The following EXT1 variants were observed in gnomAD, a reference collection of about 807,000 sequenced individuals.
The protein encoded by EXT1 is exostosin glycosyltransferase 1, also known as exostosin-1.
EXT1 carries 20 observed loss-of-function variants against 82.5 expected under a neutral mutation model. The ratio of observed to expected loss-of-function variants is 0.24; its 90% confidence interval spans 0.17 to 0.35. The LOEUF (loss-of-function observed/expected upper bound fraction) is 0.35, where lower values mean the gene tolerates loss of function less well. EXT1 is among the 10% of genes least tolerant of loss of function. The pLI is 1.00. For missense variants in EXT1, 757 were observed against 936.5 expected, an observed-to-expected ratio of 0.81 and a Z score of 2.50; for synonymous variants, 348 against 350.8, an observed-to-expected ratio of 0.99 and a Z score of 0.09.
At chr8:117,909,902 G>T (rs1452750968) in intron 1 of EXT1, among the ~76,000 whole-genome samples, 1 of 152,104 alleles carries the variant, frequency 6.6e-6, no homozygotes, top group Non-Finnish European at 1.5e-5. Context: ...CAAGTAGCTG[G>T]GATTACTGTT....
chr8:118,038,668 G>A (rs960135849), intron 1 of EXT1, among the ~76,000 whole-genome samples: 4 of 152,132 alleles, frequency 2.6e-5, no homozygotes, highest in Admixed American at 1.3e-4. Flanking sequence ...TAACAACTCC[G>A]AAGGGCAGAC....
chr8:117,830,175 G>A (rs1413586935), intron 4 of EXT1, 55 bp downstream of exon 4: 6 of 1,611,100 alleles, frequency 3.7e-6, no homozygotes, highest in African/African-American at 2.7e-5. Flanking sequence ...AGAAGGCTGA[G>A]AGAAGTGTAT....
At chr8:117,812,004 G>A (rs1021002944) in intron 8 of EXT1, among the ~76,000 whole-genome samples, 3 of 152,172 alleles carry the variant, frequency 2.0e-5, no homozygotes, top group African/African-American at 7.2e-5. Context: ...AACTAGATTG[G>A]TGTCCAGGAA....
At chr8:117,927,077 T>C (rs1024692059) in intron 1 of EXT1, among the ~76,000 whole-genome samples, 2 of 152,184 alleles carry the variant, frequency 1.3e-5, no homozygotes, top group Non-Finnish European at 2.9e-5. Context: ...AACTGTCCCC[T>C]ACATAAGAAA....
chr8:118,048,881 T>C (rs997227188), intron 1 of EXT1, among the ~76,000 whole-genome samples: 1 of 152,204 alleles, frequency 6.6e-6, no homozygotes, highest in Admixed American at 6.5e-5. Context: ...ATGAATATTA[T>C]CTATCCAATG....
chr8:117,795,510 A>C lies in EXT1; in HGVS notation c.*4202T>G, dbSNP rs375286731. ...TTTTTTTTTTTTAAAGAAAAAAAAA[A>C]GGGGGGCCAGGCGCAGTGGCTTACA... is the stretch of plus-strand genomic sequence containing the variant. On this transcript the variant is annotated 3_prime_UTR_variant, in exon 11 of 11. Coordinates refer to ENST00000378204, the MANE Select transcript of EXT1 (RefSeq NM_000127.3). The C allele has an allele frequency of 6.6e-6, 1 of 150,574 alleles. No individual in the cohort carries two copies. Among genetic ancestry groups the C allele is most frequent in the South Asian group, 2.1e-4 (1 of 4,730 alleles). 9.3% of individuals were successfully genotyped at this position (150,574 alleles called of 1,614,324 possible). A position where few individuals can be genotyped will look rare whatever the true frequency, so the allele number is the denominator to read the frequency against.
At chr8:117,953,235 T>C (rs1369863736) in intron 1 of EXT1, among the ~76,000 whole-genome samples, 2 of 152,128 alleles carry the variant, frequency 1.3e-5, no homozygotes, top group Admixed American at 6.5e-5. Context: ...TATACATATA[T>C]ATACATATAT....
chr8:118,067,920 G>C (rs1416137920), intron 1 of EXT1, among the ~76,000 whole-genome samples: 1 of 152,186 alleles, frequency 6.6e-6, no homozygotes, highest in African/African-American at 2.4e-5. Flanking sequence ...TGGAAGGTAA[G>C]CTTAAGTCAC....
chr8:117,816,925 T>G (rs1811831491), intron 7 of EXT1, among the ~76,000 whole-genome samples: 1 of 152,162 alleles, frequency 6.6e-6, no homozygotes, highest in Admixed American at 6.5e-5. Flanking sequence ...TGCCTGCCTC[T>G]GAGTACTGTT....
At position 118,111,316 on chromosome 8, in the gene EXT1, G is replaced by A. The variant is rs1586280597; in HGVS notation, c.-270C>T. 1.7e-6 allele frequency: 1 copy of A among 603,386 alleles called. No homozygotes were observed. The highest frequency in any genetic ancestry group is 2.0e-5 in the South Asian group (1 of 49,626). 37.4% of individuals were successfully genotyped at this position (603,386 alleles called of 1,614,324 possible). A position where few individuals can be genotyped will look rare whatever the true frequency, so the allele number is the denominator to read the frequency against. The stretch of plus-strand genomic sequence containing the variant: ...TGAATATCTCGCACCCAGGGCGGGC[G>A]AGCAGCGGACTGTAATTTTCTTGCA... On this transcript the variant is annotated 5_prime_UTR_variant, in exon 1 of 11. Transcript: ENST00000378204.
At chr8:117,856,275 G>T (rs1352468432) in intron 1 of EXT1, among the ~76,000 whole-genome samples, 1 of 150,424 alleles carries the variant, frequency 6.6e-6, no homozygotes, top group Admixed American at 6.6e-5. Flanking sequence ...TTTGTGGGGG[G>T]ACGGAGTCTC....
chr8:117,844,137 CTATTATTAT>C (rs61042253), intron 1 of EXT1, among the ~76,000 whole-genome samples: 101 of 142,530 alleles, frequency 7.1e-4, no homozygotes, highest in African/African-American at 2.4e-3. Context: ...ATTTCAATTA[CTATTATTAT>C]TATTATTATT....
chr8:118,110,024 T>A (rs1817864912), intron 1 of EXT1, 61 bp downstream of exon 1: 2 of 1,611,622 alleles, frequency 1.2e-6, no homozygotes, highest in Non-Finnish European at 1.7e-6. Context: ...ACTTCACACC[T>A]GGACCAAGGC....
chr8:117,854,679 G>A (rs563726894), intron 1 of EXT1, among the ~76,000 whole-genome samples: 17 of 152,154 alleles, frequency 1.1e-4, no homozygotes, highest in Non-Finnish European at 2.2e-4. Context: ...ACACTCATTC[G>A]CTGAACACTA....
chr8:118,004,719 T>C (rs1312568587), intron 1 of EXT1, among the ~76,000 whole-genome samples: 1 of 152,242 alleles, frequency 6.6e-6, no homozygotes, highest in Non-Finnish European at 1.5e-5. Flanking sequence ...CCTTTTGATT[T>C]AATCTCAAGC....
intron 1 of EXT1, among the ~76,000 whole-genome samples, chr8:118,072,049 C>A (rs570512379): frequency 6.6e-6 from 1 of 152,284 alleles, no homozygotes; most frequent in South Asian, 2.1e-4. Flanking sequence ...ACCACAGACC[C>A]ACCAAATCAA....
chr8:118,000,512 G>T (rs963919937), intron 1 of EXT1, among the ~76,000 whole-genome samples: 3 of 152,180 alleles, frequency 2.0e-5, no homozygotes, highest in African/African-American at 7.2e-5. Context: ...GTGATCTCTT[G>T]TCTTCCTGCC....
intron 1 of EXT1, among the ~76,000 whole-genome samples, chr8:117,934,872 G>A (rs1404709516): frequency 6.6e-6 from 1 of 152,150 alleles, no homozygotes; most frequent in Non-Finnish European, 1.5e-5. Flanking sequence ...AAACCAGTTA[G>A]GAGCAGAGGT....
At chr8:117,820,831 A>G (rs1173861931) in intron 5 of EXT1, among the ~76,000 whole-genome samples, 1 of 152,232 alleles carries the variant, frequency 6.6e-6, no homozygotes, top group Non-Finnish European at 1.5e-5. Flanking sequence ...AGAAGCCTCC[A>G]TATTCCCAGA....
Sources: allele counts gnomAD v4.1 joint callset (sites outside exome capture counted in the v4.1 genomes callset), GRCh38; gene constraint gnomAD v4.1.1; transcripts MANE v1.5; gene names NCBI Gene and HGNC (gene_info 2026-07-23, HGNC 2026-07-21).